The following SWT1 variants were observed in gnomAD, a reference collection of about 807,000 sequenced individuals.
The protein encoded by SWT1 is SWT1 RNA endoribonuclease homolog.
A neutral mutation model predicts 107.3 loss-of-function variants in SWT1; 33 were observed. That is an observed-to-expected ratio of 0.31 (90% CI 0.23 to 0.41). The LOEUF (loss-of-function observed/expected upper bound fraction) is 0.41. SWT1 is among the 10% of genes least tolerant of loss of function. The probability of loss-of-function intolerance (pLI) is 1.00; values close to 1 mark genes in which losing one functional copy is unlikely to be tolerated. For missense variants in SWT1, 898 were observed against 1,028.9 expected (o/e 0.87, Z 1.74); for synonymous variants, 345 against 348.3 (o/e 0.99, Z 0.11).
intron 15 of SWT1, chr1:185,227,625 C>T (rs1307165628): frequency 5.6e-6 from 3 of 536,666 alleles, no homozygotes; most frequent in African/African-American, 2.0e-5. Flanking sequence ...TCATTTTTAC[C>T]TTCTCGTCGT....
chr1:185,214,445 A>G (rs1659062209), intron 13 of SWT1, 62 bp from the exon 14 acceptor site: 7 of 1,318,186 alleles, frequency 5.3e-6, no homozygotes, highest in Non-Finnish European at 6.3e-6. Context: ...AGTGTTCCAA[A>G]GACATTTTTA....
At chr1:185,207,714 C>A (rs1658449505) in intron 13 of SWT1, among the ~76,000 whole-genome samples, 1 of 151,924 alleles carries the variant, frequency 6.6e-6, no homozygotes, top group Non-Finnish European at 1.5e-5. Flanking sequence ...CCAGCCTGGG[C>A]AACATGGTAA....
intron 16 of SWT1, among the ~76,000 whole-genome samples, chr1:185,238,727 TA>T (rs1235063412): frequency 2.0e-5 from 3 of 151,984 alleles, no homozygotes; most frequent in South Asian, 2.1e-4. Flanking sequence ...TTTTTTTTTT[TA>T]AACCGGGCAG....
chr1:185,235,673 A>G (rs957985987), intron 16 of SWT1, among the ~76,000 whole-genome samples: 2 of 152,200 alleles, frequency 1.3e-5, no homozygotes, highest in African/African-American at 4.8e-5. Flanking sequence ...CACCACTCCA[A>G]TTCAGCATAG....
chr1:185,219,263 T>A (rs1659452438), intron 14 of SWT1, among the ~76,000 whole-genome samples: 1 of 152,204 alleles, frequency 6.6e-6, no homozygotes, highest in Admixed American at 6.5e-5. Context: ...TGTTCATGCC[T>A]TTTATCATCT....
chr1:185,182,004 G>A lies in SWT1; in HGVS notation c.1085G>A (p.Gly362Glu), dbSNP rs1020052993. ...GTGGGAAAAAGTGTGGATTTACCTG[G>A]AGAGTTAATGAGTATGGAAATTGAC... The part of the protein sequence containing the change: ...ARVGKSVDLP[G>E]ELMSMEIDLE... Residue 362 changes from glycine (G) to glutamate (E), a missense_variant, in exon 7 of 19, where the codon GGA becomes GAA. Around this residue, in one of 6 missense-constraint regions of SWT1, gnomAD observed 94 missense variants for 114.5 expected, o/e 0.82. Transcript: ENST00000367500. 5 of 1,613,764 alleles carry A rather than the reference G, an allele frequency of 3.1e-6. No homozygotes were observed. In the South Asian group the frequency reaches 3.3e-5, roughly 11 times the overall value.
At chr1:185,220,032 C>T (rs1253349943) in intron 14 of SWT1, among the ~76,000 whole-genome samples, 1 of 149,822 alleles carries the variant, frequency 6.7e-6, no homozygotes, top group Non-Finnish European at 1.5e-5. Flanking sequence ...CTGGTCCCAG[C>T]TACTGGGGAG....
chr1:185,253,218 A>G (rs199504780), intron 16 of SWT1, among the ~76,000 whole-genome samples: 1 of 149,854 alleles, frequency 6.7e-6, no homozygotes, highest in East Asian at 2.0e-4. Context: ...AGGTAGCGTG[A>G]TACCTCCAGC....
chr1:185,284,951 G>A (rs1036114776), intron 18 of SWT1, among the ~76,000 whole-genome samples: 2 of 151,144 alleles, frequency 1.3e-5, no homozygotes, highest in African/African-American at 4.9e-5. Context: ...GGCAGTGACT[G>A]AGACTCCCTG....
At chr1:185,236,380 A>G (rs1439179011) in intron 16 of SWT1, among the ~76,000 whole-genome samples, 2 of 152,334 alleles carry the variant, frequency 1.3e-5, no homozygotes, top group East Asian at 3.9e-4. Context: ...GACATAGACC[A>G]ATGGAACAGA....
chr1:185,167,688 C>T (rs1192624074), intron 3 of SWT1, among the ~76,000 whole-genome samples: 1 of 151,976 alleles, frequency 6.6e-6, no homozygotes, highest in African/African-American at 2.4e-5. Flanking sequence ...GTTGTTTTCC[C>T]TTCTTCCTTG....
At chr1:185,230,841 G>T (rs548515412) in intron 15 of SWT1, among the ~76,000 whole-genome samples, 12 of 152,156 alleles carry the variant, frequency 7.9e-5, no homozygotes, top group African/African-American at 2.6e-4. Context: ...TCGGCCTCCT[G>T]GGTTCAAGCG....
intron 2 of SWT1, among the ~76,000 whole-genome samples, chr1:185,163,467 C>T (rs1414192258): frequency 6.6e-6 from 1 of 151,426 alleles, no homozygotes; most frequent in African/African-American, 2.4e-5. Context: ...GATCTTGGCC[C>T]ACTGCAACCT....
intron 1 of SWT1, 81 bp from the exon 2 acceptor site, chr1:185,160,752 T>G (rs554613310): frequency 1.0e-6 from 1 of 986,006 alleles, no homozygotes; most frequent in Non-Finnish European, 1.5e-6. Flanking sequence ...AACTCCAATC[T>G]TTATATAACT....
At chr1:185,256,230 A>T (rs1479174528) in intron 16 of SWT1, among the ~76,000 whole-genome samples, 1 of 151,580 alleles carries the variant, frequency 6.6e-6, no homozygotes, top group African/African-American at 2.4e-5. Context: ...CCTTCATTTC[A>T]AGTTTGGTGA....
intron 18 of SWT1, among the ~76,000 whole-genome samples, chr1:185,283,345 A>C (rs1282975437): frequency 6.6e-6 from 1 of 152,220 alleles, no homozygotes. Context: ...GTGTCTGAGC[A>C]CTGCTTACCC....
At chr1:185,235,589 A>G (rs1472370900) in intron 16 of SWT1, among the ~76,000 whole-genome samples, 1 of 152,180 alleles carries the variant, frequency 6.6e-6, no homozygotes, top group Non-Finnish European at 1.5e-5. Flanking sequence ...ATTTACGACA[A>G]ACCCATAGCC....
chr1:185,196,324 TG>T (rs1385360420), intron 10 of SWT1, among the ~76,000 whole-genome samples: 1 of 152,080 alleles, frequency 6.6e-6, no homozygotes, highest in African/African-American at 2.4e-5. Context: ...CTGAGGCCTC[TG>T]TTCTGTTCCA....
At chr1:185,232,910 T>A (rs563251172) in intron 16 of SWT1, among the ~76,000 whole-genome samples, 2 of 152,256 alleles carry the variant, frequency 1.3e-5, no homozygotes, top group South Asian at 4.1e-4. Context: ...TAGTCTGGGG[T>A]GTGCCTGGCA....
Sources: allele counts gnomAD v4.1 joint callset (sites outside exome capture counted in the v4.1 genomes callset), GRCh38; gene constraint gnomAD v4.1.1; regional missense constraint gnomAD v4.1.1; transcripts MANE v1.5; gene names NCBI Gene and HGNC (gene_info 2026-07-23, HGNC 2026-07-21).